Variants in MVB12B observed in about 807,000 individuals in gnomAD.
The protein encoded by MVB12B is ESCRT-I complex subunit MVB12B.
A neutral mutation model predicts 41.6 loss-of-function variants in MVB12B; 16 were observed. That is an observed-to-expected ratio of 0.38 (90% CI 0.26 to 0.58). MVB12B has a LOEUF of 0.58. Ranked by LOEUF, MVB12B falls within the 20% of genes least tolerant of loss-of-function variation. The pLI, the probability that MVB12B is intolerant of heterozygous loss-of-function variation, is 0.62. For synonymous variants in MVB12B, 133 were observed against 139.7 expected (o/e 0.95, Z 0.34); for missense variants, 274 against 380.2 (o/e 0.72, Z 2.32).
chr9:126,483,873 C>G (rs909608807), intron 8 of MVB12B, 100 bp from the exon 9 acceptor site: 10 of 1,231,742 alleles, frequency 8.1e-6, no homozygotes, highest in Admixed American at 1.8e-5. Flanking sequence ...AACGCTAGAT[C>G]ACACCGTGGC....
chr9:126,455,764 G>A (rs1269577692), intron 7 of MVB12B, among the ~76,000 whole-genome samples: 1 of 152,156 alleles, frequency 6.6e-6, no homozygotes, highest in East Asian at 1.9e-4. Flanking sequence ...GGAATTGCAG[G>A]CGTGCAAACC....
At chr9:126,501,108 GCCT>G (rs1022109821) in intron 9 of MVB12B, among the ~76,000 whole-genome samples, 4 of 152,346 alleles carry the variant, frequency 2.6e-5, no homozygotes, top group Admixed American at 2.6e-4. Context: ...CCCCTCCTCA[GCCT>G]CCCGGAGCCG....
chr9:126,359,117 G>T (rs1440781904), intron 2 of MVB12B, among the ~76,000 whole-genome samples: 1 of 150,814 alleles, frequency 6.6e-6, no homozygotes, highest in African/African-American at 2.4e-5. Context: ...CTGGTATCCA[G>T]TCTCAGCTTC....
chr9:126,497,937 A>C (rs892059601), intron 9 of MVB12B, among the ~76,000 whole-genome samples: 1 of 152,198 alleles, frequency 6.6e-6, no homozygotes, highest in African/African-American at 2.4e-5. Flanking sequence ...GGGCCCTGGA[A>C]TATGGCTCAG....
intron 6 of MVB12B, among the ~76,000 whole-genome samples, chr9:126,404,314 A>C (rs1207598572): frequency 6.6e-6 from 1 of 152,186 alleles, no homozygotes; most frequent in African/African-American, 2.4e-5. Context: ...CCCAGGTTTA[A>C]GTTGAGGAAA....
intron 9 of MVB12B, among the ~76,000 whole-genome samples, chr9:126,502,543 CA>C (rs200190717): frequency 0.048 from 7,324 of 152,118 alleles, 513 homozygotes; most frequent in African/African-American, 0.15. Context: ...AAGGTCCCCC[CA>C]CCGGGCAGCT....
intron 2 of MVB12B, among the ~76,000 whole-genome samples, chr9:126,361,910 GA>G (rs765678033): frequency 0.024 from 1,417 of 59,024 alleles, 23 homozygotes; most frequent in East Asian, 0.12. Context: ...TGAAACTCTG[GA>G]AAAAAAAAAA....
chr9:126,470,927 A>G (rs572786319), intron 7 of MVB12B, among the ~76,000 whole-genome samples: 1 of 152,322 alleles, frequency 6.6e-6, no homozygotes, highest in Admixed American at 6.5e-5. Context: ...CAGTAATAAC[A>G]CTAACACTAA....
intron 7 of MVB12B, among the ~76,000 whole-genome samples, chr9:126,460,116 C>T (rs1833059232): frequency 6.6e-6 from 1 of 152,154 alleles, no homozygotes; most frequent in Non-Finnish European, 1.5e-5. Context: ...ACTGTGTGCT[C>T]CCTGGCCGCT....
At chr9:126,440,540 T>C (rs1832605382) in intron 7 of MVB12B, among the ~76,000 whole-genome samples, 1 of 151,984 alleles carries the variant, frequency 6.6e-6, no homozygotes, top group Non-Finnish European at 1.5e-5. Context: ...TCCTGCTAAT[T>C]CAACATCAGA....
At chr9:126,462,934 G>A (rs1260271229) in intron 7 of MVB12B, among the ~76,000 whole-genome samples, 2 of 152,212 alleles carry the variant, frequency 1.3e-5, no homozygotes, top group African/African-American at 4.8e-5. Flanking sequence ...CTGAAATCTG[G>A]GTAATTGATG....
intron 1 of MVB12B, among the ~76,000 whole-genome samples, chr9:126,334,699 C>A (rs184705521): frequency 2.0e-5 from 3 of 152,246 alleles, no homozygotes; most frequent in African/African-American, 7.2e-5. Context: ...CCCAGCAAAA[C>A]CTGATGGGAG....
At chr9:126,420,926 T>G (rs1227931927) in intron 6 of MVB12B, among the ~76,000 whole-genome samples, 1 of 152,196 alleles carries the variant, frequency 6.6e-6, no homozygotes, top group Non-Finnish European at 1.5e-5. Context: ...GACCACTTAC[T>G]TTATGTGATA....
chr9:126,395,452 G>A lies in MVB12B; in HGVS notation c.540-123G>A. ...GACGGTGGAACCCATTTCACGTGGA[G>A]GGCAAGAATTGATTCCCTGGTGTTT... On this transcript the variant is annotated intron_variant, in intron 5 of 9. Coordinates refer to ENST00000361171, the MANE Select transcript of MVB12B (RefSeq NM_033446.3). The surrounding 1 kb of genome is among the most constrained non-coding windows in gnomAD (Gnocchi z 4.9). 3 of 1,187,534 alleles carry A rather than the reference G, an allele frequency of 2.5e-6. No individual in the cohort carries two copies. The highest frequency in any genetic ancestry group is 2.4e-6 in the Non-Finnish European group (2 of 827,672). 73.6% of individuals were successfully genotyped at this position (1,187,534 alleles called of 1,614,324 possible).
At chr9:126,413,809 C>T (rs1421097269) in intron 6 of MVB12B, among the ~76,000 whole-genome samples, 1 of 120,626 alleles carries the variant, frequency 8.3e-6, no homozygotes, top group South Asian at 3.0e-4. Flanking sequence ...ATCCTGTGAA[C>T]CCCATTGGTT....
At chr9:126,469,572 A>G (rs1288127887) in intron 7 of MVB12B, among the ~76,000 whole-genome samples, 1 of 152,214 alleles carries the variant, frequency 6.6e-6, no homozygotes, top group South Asian at 2.1e-4. Flanking sequence ...CATGCCTGTC[A>G]GGCCCTTGCT....
At chr9:126,397,518 A>G (rs1261585845) in intron 6 of MVB12B, 1 of 985,486 alleles carries the variant, frequency 1.0e-6, no homozygotes, top group Non-Finnish European at 1.2e-6. Flanking sequence ...AAATAAAACA[A>G]ATGTCAAAAT....
In MVB12B at chr9:126,357,605, CTT is replaced by C. The variant is rs59206270; in HGVS notation, c.204+16986_204+16987del. On this transcript the variant is annotated intron_variant, in intron 2 of 9. Coordinates refer to ENST00000361171, the MANE Select transcript of MVB12B (RefSeq NM_033446.3). ...TTCTCTAACAAGTAATGATTTTGAG[CTT>C]TTTTTTTTTTGCCATTAGTATAACT... is the stretch of plus-strand genomic sequence containing the variant. 2.7e-4 allele frequency among the ~76,000 whole-genome samples: 38 copies of C among 142,902 alleles called. No individual in the cohort carries two copies. In the East Asian group the frequency reaches 5.1e-3, roughly 19 times the overall value. The allele number at this position is 142,902 out of a possible 152,430, so 93.7% of individuals were successfully genotyped here.
intron 6 of MVB12B, among the ~76,000 whole-genome samples, chr9:126,400,982 G>T (rs146064791): frequency 6.6e-6 from 1 of 152,078 alleles, no homozygotes; most frequent in Non-Finnish European, 1.5e-5. Flanking sequence ...TCCATCCTGC[G>T]GGGGCTCTCC....
Sources: allele counts gnomAD v4.1 joint callset (sites outside exome capture counted in the v4.1 genomes callset), GRCh38; gene constraint gnomAD v4.1.1; non-coding constraint Gnocchi (gnomAD v3.1); transcripts MANE v1.5; gene names NCBI Gene and HGNC (gene_info 2026-07-23, HGNC 2026-07-21).